The following TMCO2 variants were observed in gnomAD, a reference collection of about 807,000 sequenced individuals.
TMCO2 encodes transmembrane and coiled-coil domain-containing protein 2.
In TMCO2, 15 loss-of-function variants were observed where a neutral mutation model predicts 18.0. The observed-to-expected ratio is 0.84, with a 90% CI of 0.56 to 1.29. TMCO2 has a LOEUF of 1.29. Among genes scored for constraint, TMCO2 ranks in the 50% most tolerant of loss-of-function variants. The pLI is 0.00. For missense variants in TMCO2, 182 were observed against 200.9 expected (o/e 0.91, Z 0.57); for synonymous variants, 79 against 75.9 (o/e 1.04, Z -0.21).
chr1:40,251,628 ACT>A lies in TMCO2; in HGVS notation c.*35_*36del, dbSNP rs1247765821. 2 of 1,581,508 alleles carry A rather than the reference ACT, an allele frequency of 1.3e-6. No homozygotes were observed. Among genetic ancestry groups the A allele is most frequent in the Non-Finnish European group, 1.7e-6 (2 of 1,168,520 alleles). ...GGACTCCAATCTTTTCCAGGAAAGC[ACT>A]GTTTCCCTCATGTGTGCAGTGGTGT... On this transcript the variant is annotated 3_prime_UTR_variant, in exon 2 of 2. Coordinates refer to ENST00000372766, the MANE Select transcript of TMCO2 (RefSeq NM_001008740.4).
At chr1:40,250,954 G>A (rs939391961) in intron 1 of TMCO2, among the ~76,000 whole-genome samples, 2 of 152,072 alleles carry the variant, frequency 1.3e-5, no homozygotes, top group African/African-American at 2.4e-5. Flanking sequence ...TGGCTAACAC[G>A]GTGAAACCTC....
chr1:40,250,318 A>AATATATATATAT (rs144052392), intron 1 of TMCO2, among the ~76,000 whole-genome samples: 2 of 145,762 alleles, frequency 1.4e-5, no homozygotes, highest in African/African-American at 5.3e-5. Flanking sequence ...ATATAAATAA[A>AATATATATATAT]ATATATATAT....
intron 1 of TMCO2, among the ~76,000 whole-genome samples, chr1:40,250,452 C>A (rs562804324): frequency 6.6e-6 from 1 of 152,220 alleles, no homozygotes; most frequent in Non-Finnish European, 1.5e-5. Flanking sequence ...CCACCTTACC[C>A]TCCCTAGTAG....
rs529339055 is a variant in TMCO2, at chr1:40,249,818, C to T, written c.238-1465C>T. 3.3e-5 allele frequency among the ~76,000 whole-genome samples: 5 copies of T among 151,646 alleles called. No individual in the cohort carries two copies. The South Asian group carries it at 6.3e-4, about 19-fold the overall frequency. On this transcript the variant is annotated intron_variant, in intron 1 of 1. Transcript: ENST00000372766. ...CCTCCCGAGTAGCTGGGATTACAGG[C>T]GCATACCACCACACCCAGCTAATGT...
chr1:40,251,053 C>T (rs1003884990), intron 1 of TMCO2, among the ~76,000 whole-genome samples: 1 of 146,768 alleles, frequency 6.8e-6, no homozygotes, highest in African/African-American at 2.5e-5. Flanking sequence ...AGGAGAATGG[C>T]GTGAACCTGG....
chr1:40,251,136 CAAAAAA>C lies in TMCO2; in HGVS notation c.238-132_238-127del. 6 of 417,850 alleles carry C rather than the reference CAAAAAA, an allele frequency of 1.4e-5. No individual in the cohort carries two copies. The East Asian group carries it at 1.5e-4, about 11-fold the overall frequency. The allele number at this position is 417,850 out of a possible 1,614,324, so 25.9% of individuals were successfully genotyped here. A position where few individuals can be genotyped will look rare whatever the true frequency, so the allele number is the denominator to read the frequency against. ...TGGGTGACAGAGTGAAACTCCATCT[CAAAAAA>C]AAAAAAAAAAAAAATTTGCTAAATG... On this transcript the variant is annotated intron_variant, in intron 1 of 1. Coordinates refer to ENST00000372766, the MANE Select transcript of TMCO2 (RefSeq NM_001008740.4).
In TMCO2 at chr1:40,251,633, T is replaced by G; in HGVS notation, c.*39T>G. On this transcript the variant is annotated 3_prime_UTR_variant, in exon 2 of 2. Coordinates refer to ENST00000372766, the MANE Select transcript of TMCO2 (RefSeq NM_001008740.4). ...CCAATCTTTTCCAGGAAAGCACTGT[T>G]TCCCTCATGTGTGCAGTGGTGTATC... 1 of 1,577,066 alleles carries G rather than the reference T, an allele frequency of 6.3e-7. No homozygotes were observed. Among genetic ancestry groups the G allele is most frequent in the Non-Finnish European group, 8.6e-7 (1 of 1,164,608 alleles).
At position 40,248,104 on chromosome 1, in the gene TMCO2, G is replaced by T; in HGVS notation, c.111G>T (p.Gln37His). The T allele has an allele frequency of 1.2e-6, 2 of 1,614,162 alleles. No homozygotes were observed. Among genetic ancestry groups the T allele is most frequent in the Non-Finnish European group, 1.7e-6 (2 of 1,180,024 alleles). ...TTTTGGGAGAGACTAGTGCACCTCA[G>T]CAAACAAGTTTGGGACTATTAGATA... ...ASFLGETSAP[Q>H]QTSLGLLDNL... Residue 37 changes from glutamine (Q) to histidine (H), a missense_variant, in exon 1 of 2, where the codon CAG becomes CAT. Gln to His is a conservative substitution (Grantham distance 24). Transcript: ENST00000372766.
intron 1 of TMCO2, among the ~76,000 whole-genome samples, chr1:40,250,910 G>C (rs1045221062): frequency 1.3e-5 from 2 of 152,172 alleles, no homozygotes; most frequent in African/African-American, 4.8e-5. Flanking sequence ...GGCCACGATG[G>C]GCGGATCACG....
chr1:40,248,393 A>T (rs748723190), intron 1 of TMCO2, among the ~76,000 whole-genome samples, 163 bp downstream of exon 1: 134 of 152,270 alleles, frequency 8.8e-4, no homozygotes, highest in Admixed American at 2.2e-3. Context: ...ATCTCCACCA[A>T]TTAGGCTTTG....
At position 40,251,266 on chromosome 1, in the gene TMCO2, CTGT is replaced by C; in HGVS notation, c.238-12_238-10del. ...AACTGTAGCAACTAACACTCAACTT[CTGT>C]TGTTCCATTTTAGAAAACATTGTTG... On this transcript the variant is annotated splice_polypyrimidine_tract_variant and intron_variant, in intron 1 of 1. Coordinates refer to ENST00000372766, the MANE Select transcript of TMCO2 (RefSeq NM_001008740.4). 6.2e-7 allele frequency: 1 copy of C among 1,600,564 alleles called. No homozygotes were observed. The highest frequency in any genetic ancestry group is 8.5e-7 in the Non-Finnish European group (1 of 1,175,016).
At chr1:40,250,318 A>T (rs995182073) in intron 1 of TMCO2, among the ~76,000 whole-genome samples, 6 of 145,762 alleles carry the variant, frequency 4.1e-5, no homozygotes, top group Admixed American at 2.0e-4. Flanking sequence ...ATATAAATAA[A>T]ATATATATAT....
At chr1:40,250,332 T>TAC (rs1012718195) in intron 1 of TMCO2, among the ~76,000 whole-genome samples, 5 of 150,028 alleles carry the variant, frequency 3.3e-5, no homozygotes, top group African/African-American at 9.8e-5. Flanking sequence ...TATATATATA[T>TAC]ACATTAATTT....
chr1:40,248,214 G>A lies in TMCO2; in HGVS notation c.221G>A (p.Ser74Asn). 6.2e-7 allele frequency: 1 copy of A among 1,612,302 alleles called. No homozygotes were observed. The highest frequency in any genetic ancestry group is 8.5e-7 in the Non-Finnish European group (1 of 1,178,514). The change falls in exon 1 of 2, where the codon AGT becomes AAT. Residue 74 changes from serine to asparagine, a missense_variant. Coordinates refer to ENST00000372766, the MANE Select transcript of TMCO2 (RefSeq NM_001008740.4). ...GGAATATATGCCTTATGGAAACGAA[G>A]TATTCAGTCAATTCAGGTTATACTC... ...GIGIYALWKR[S>N]IQSIQKTLLF...
At position 40,250,463 on chromosome 1, in the gene TMCO2, C is replaced by G. The variant is rs1022523019; in HGVS notation, c.238-820C>G. ...CCTCCCACCTTACCCTCCCTAGTAGCTGGGACTATATGTGTGTGCCATTGT... is the reference window on the plus strand; with the variant it reads ...CCTCCCACCTTACCCTCCCTAGTAGGTGGGACTATATGTGTGTGCCATTGT... On this transcript the variant is annotated intron_variant, in intron 1 of 1. Transcript: ENST00000372766. Among the ~76,000 whole-genome samples the G allele has an allele frequency of 4.6e-5, 7 of 152,050 alleles. 1 individual carries two copies. The highest frequency in any genetic ancestry group is 2.6e-4 in the Admixed American group (4 of 15,268).
intron 1 of TMCO2, among the ~76,000 whole-genome samples, chr1:40,250,356 G>C (rs1340340528): frequency 6.7e-6 from 1 of 148,634 alleles, no homozygotes; most frequent in African/African-American, 2.5e-5. Context: ...TAAGAGACAG[G>C]GTCTGGCTAT....
At chr1:40,250,048 G>A (rs1473497942) in intron 1 of TMCO2, among the ~76,000 whole-genome samples, 1 of 151,816 alleles carries the variant, frequency 6.6e-6, no homozygotes, top group Non-Finnish European at 1.5e-5. Context: ...CCAGGCTGGA[G>A]TGCAGTGGTG....
Position 40,251,427 on chromosome 1 carries a change from A to C in TMCO2, c.382A>C (p.Lys128Gln). The C allele has an allele frequency of 6.2e-7, 1 of 1,613,920 alleles. No individual in the cohort carries two copies. The highest frequency in any genetic ancestry group is 2.2e-5 in the East Asian group (1 of 44,880). The change falls in exon 2 of 2, where the codon AAA becomes CAA. Residue 128 changes from lysine (K) to glutamine (Q), a missense_variant. Lys to Gln is a moderately conservative substitution (Grantham distance 53). Coordinates refer to ENST00000372766, the MANE Select transcript of TMCO2 (RefSeq NM_001008740.4). ...NLFLSLGLQE[K>Q]ILKKLKTVEN... ...TTTCCTGTCCTTGGGTCTGCAAGAG[A>C]AAATTTTGAAAAAACTTAAGACAGT...
chr1:40,248,882 G>C (rs774569792), intron 1 of TMCO2, among the ~76,000 whole-genome samples: 1 of 152,198 alleles, frequency 6.6e-6, no homozygotes, highest in Non-Finnish European at 1.5e-5. Flanking sequence ...GTGCACTGAG[G>C]TTCAGTGGAA....
Sources: gnomAD v4.1 joint callset for allele counts (sites outside exome capture counted in the v4.1 genomes callset) on GRCh38, gnomAD v4.1.1 for gene constraint, MANE v1.5 for transcripts, NCBI Gene and HGNC (gene_info 2026-07-23, HGNC 2026-07-21) for gene names.